CAMK2D: variants seen among roughly 807,000 people sequenced by gnomAD.
The protein encoded by CAMK2D is calcium/calmodulin-dependent protein kinase type II subunit delta.
In CAMK2D, 37 loss-of-function variants were observed where a neutral mutation model predicts 84.0. That is an observed-to-expected ratio of 0.44 (90% confidence interval 0.34 to 0.58). CAMK2D has a LOEUF of 0.58. CAMK2D is among the 20% of genes least tolerant of loss of function. The pLI, the probability that CAMK2D is intolerant of heterozygous loss-of-function variation, is 0.02. For synonymous variants in CAMK2D, 202 were observed against 212.5 expected, an observed-to-expected ratio of 0.95 and a Z score of 0.43; for missense variants, 448 against 652.5, an observed-to-expected ratio of 0.69 and a Z score of 3.41.
chr4:113,735,288 GGAAAAAAAAAAAAAAAAAAAAAAA>G (rs2099578511), intron 2 of CAMK2D, among the ~76,000 whole-genome samples: 1 of 58,958 alleles, frequency 1.7e-5, no homozygotes, highest in African/African-American at 5.8e-5. Context: ...CATCTCTACA[GGAAAAAAAAAAAAAAAAAAAAAAA>G]AAAAAAAAAA....
chr4:113,504,236 C>T (rs913077900), intron 14 of CAMK2D, among the ~76,000 whole-genome samples: 1 of 152,114 alleles, frequency 6.6e-6, no homozygotes, highest in African/African-American at 2.4e-5. Flanking sequence ...GAACTCAGCA[C>T]TGAATGACAG....
chr4:113,711,223 C>T (rs1254476504), intron 2 of CAMK2D, among the ~76,000 whole-genome samples: 1 of 150,658 alleles, frequency 6.6e-6, no homozygotes, highest in Non-Finnish European at 1.5e-5. Flanking sequence ...TCTATCTTAT[C>T]ATACATACTT....
At chr4:113,670,185 G>A (rs547932500) in intron 2 of CAMK2D, among the ~76,000 whole-genome samples, 1 of 152,172 alleles carries the variant, frequency 6.6e-6, no homozygotes, top group Non-Finnish European at 1.5e-5. Context: ...TGGAGGCTGA[G>A]GCAGGAGAAT....
chr4:113,611,577 A>G (rs1477070594), intron 3 of CAMK2D, among the ~76,000 whole-genome samples: 1 of 152,202 alleles, frequency 6.6e-6, no homozygotes, highest in Non-Finnish European at 1.5e-5. Flanking sequence ...AGCTGAACAG[A>G]GGAGAATATT....
intron 16 of CAMK2D, among the ~76,000 whole-genome samples, chr4:113,489,420 T>A (rs1468218501): frequency 6.6e-6 from 1 of 151,600 alleles, no homozygotes; most frequent in Non-Finnish European, 1.5e-5. Context: ...GATAGTTTAC[T>A]GAGAATGATG....
chr4:113,454,240 C>A lies in CAMK2D; in HGVS notation c.*305G>T, dbSNP rs2097278572. On this transcript the variant is annotated 3_prime_UTR_variant, in exon 21 of 21. Coordinates refer to ENST00000511664, the MANE Select transcript of CAMK2D (RefSeq NM_001321571.2). ...CAGAGAAACTTGATGAAGAGTTGTACTTGGAATATTGTGGATTTTTTTTTT... is the reference window on the plus strand; with the variant it reads ...CAGAGAAACTTGATGAAGAGTTGTAATTGGAATATTGTGGATTTTTTTTTT... The A allele has an allele frequency of 3.4e-6, 1 of 296,852 alleles. No individual in the cohort carries two copies. Among genetic ancestry groups the A allele is most frequent in the South Asian group, 1.2e-4 (1 of 8,128 alleles). 18.4% of individuals were successfully genotyped at this position (296,852 alleles called of 1,614,324 possible).
chr4:113,601,432 A>G (rs79601312), intron 4 of CAMK2D, among the ~76,000 whole-genome samples: 6 of 148,716 alleles, frequency 4.0e-5, no homozygotes, highest in South Asian at 2.1e-4. Context: ...TTTCATGAGG[A>G]AAAAAAAAAC....
At chr4:113,731,874 G>A (rs1156265464) in intron 2 of CAMK2D, among the ~76,000 whole-genome samples, 1 of 152,194 alleles carries the variant, frequency 6.6e-6, no homozygotes, top group East Asian at 1.9e-4. Context: ...GTGAGCCACC[G>A]CACCCAGCCT....
At chr4:113,755,119 C>T (rs1451478944) in intron 2 of CAMK2D, 8 of 977,196 alleles carry the variant, frequency 8.2e-6, no homozygotes, top group Non-Finnish European at 8.5e-6. Flanking sequence ...AGAAAAGTAG[C>T]AAGAATTAGT....
intron 6 of CAMK2D, among the ~76,000 whole-genome samples, chr4:113,538,093 T>C (rs889773073): frequency 6.6e-6 from 1 of 152,198 alleles, no homozygotes; most frequent in African/African-American, 2.4e-5. Flanking sequence ...TTTTTCTTTA[T>C]AAGCCAGCTT....
At chr4:113,570,088 T>C (rs886598059) in intron 4 of CAMK2D, among the ~76,000 whole-genome samples, 20 of 152,036 alleles carry the variant, frequency 1.3e-4, no homozygotes, top group Non-Finnish European at 2.6e-4. Flanking sequence ...GATATGTACA[T>C]TGAATTCTAT....
chr4:113,656,842 T>C (rs1310683450), intron 3 of CAMK2D, among the ~76,000 whole-genome samples: 1 of 152,162 alleles, frequency 6.6e-6, no homozygotes, highest in Non-Finnish European at 1.5e-5. Context: ...ACTCTCTCCC[T>C]AACCAAACAT....
intron 10 of CAMK2D, among the ~76,000 whole-genome samples, 160 bp downstream of exon 10, chr4:113,514,909 A>G (rs928488364): frequency 6.6e-6 from 1 of 152,206 alleles, no homozygotes; most frequent in African/African-American, 2.4e-5. Context: ...GCATTTTTTC[A>G]CCATCATAAA....
At chr4:113,618,618 T>A (rs930742305) in intron 3 of CAMK2D, among the ~76,000 whole-genome samples, 1 of 152,220 alleles carries the variant, frequency 6.6e-6, no homozygotes, top group Non-Finnish European at 1.5e-5. Context: ...TATTGTACTA[T>A]AATATTATAT....
intron 2 of CAMK2D, among the ~76,000 whole-genome samples, chr4:113,675,092 C>CT (rs2099312928): frequency 6.6e-6 from 1 of 152,168 alleles, no homozygotes; most frequent in Non-Finnish European, 1.5e-5. Flanking sequence ...AGAAACTCTT[C>CT]TTTTCACATA....
chr4:113,547,787 A>G, intron 5 of CAMK2D, 71 bp from the exon 6 acceptor site: 1 of 988,370 alleles, frequency 1.0e-6, no homozygotes, highest in South Asian at 1.6e-5. Context: ...CCTCAGAGAG[A>G]CTGGGTTAAA....
chr4:113,758,168 T>C (rs764863623), intron 2 of CAMK2D, among the ~76,000 whole-genome samples: 5 of 152,188 alleles, frequency 3.3e-5, no homozygotes, highest in South Asian at 2.1e-4. Flanking sequence ...ATAATTAACA[T>C]AATATTCTTC....
At chr4:113,678,863 A>G (rs958436826) in intron 2 of CAMK2D, among the ~76,000 whole-genome samples, 19 of 152,174 alleles carry the variant, frequency 1.2e-4, no homozygotes, top group Non-Finnish European at 2.4e-4. Flanking sequence ...TATATTGCAC[A>G]ATGATCTTTC....
intron 16 of CAMK2D, among the ~76,000 whole-genome samples, chr4:113,493,524 A>G: frequency 6.6e-6 from 1 of 152,150 alleles, no homozygotes; most frequent in Non-Finnish European, 1.5e-5. Context: ...TGTTAGTCTG[A>G]TGGGCTTCCC....
Sources: gnomAD v4.1 joint callset for allele counts (sites outside exome capture counted in the v4.1 genomes callset) on GRCh38, gnomAD v4.1.1 for gene constraint, MANE v1.5 for transcripts, NCBI Gene and HGNC (gene_info 2026-07-23, HGNC 2026-07-21) for gene names.